The following TMC1 variants were observed in gnomAD, a reference collection of about 807,000 sequenced individuals.
The protein encoded by TMC1 is transmembrane channel-like protein 1.
In TMC1, 84 loss-of-function variants were observed where a neutral mutation model predicts 105.8. That is an observed-to-expected ratio of 0.79 (90% CI 0.67 to 0.95). TMC1 has a LOEUF of 0.95. Among genes scored for constraint, TMC1 ranks in the 40% least tolerant of loss-of-function variants. The pLI, the probability that TMC1 is intolerant of heterozygous loss-of-function variation, is 0.00. For synonymous variants in TMC1, 315 were observed against 311.5 expected, an observed-to-expected ratio of 1.01 and a Z score of -0.12; for missense variants, 817 against 914.1, an observed-to-expected ratio of 0.89 and a Z score of 1.37.
At chr9:72,537,770 C>T (rs1823607825) in intron 1 of TMC1, among the ~76,000 whole-genome samples, 1 of 152,126 alleles carries the variant, frequency 6.6e-6, no homozygotes, top group Non-Finnish European at 1.5e-5. Context: ...TGGGGGCTTC[C>T]AGGTCATAGG....
At chr9:72,695,074 A>G (rs1177930714) in intron 7 of TMC1, among the ~76,000 whole-genome samples, 1 of 152,192 alleles carries the variant, frequency 6.6e-6, no homozygotes, top group East Asian at 1.9e-4. Flanking sequence ...TTTATCTTAC[A>G]GAGCAGGGGT....
intron 2 of TMC1, among the ~76,000 whole-genome samples, chr9:72,596,868 AC>A (rs1824730104): frequency 6.6e-6 from 1 of 152,190 alleles, no homozygotes; most frequent in Admixed American, 6.5e-5. Context: ...AAAAAGAACC[AC>A]TAGAGTCTCT....
At chr9:72,753,062 T>A (rs1226630608) in intron 11 of TMC1, among the ~76,000 whole-genome samples, 1 of 152,172 alleles carries the variant, frequency 6.6e-6, no homozygotes, top group Non-Finnish European at 1.5e-5. Flanking sequence ...TTTATTAAGC[T>A]GATCTAGGAC....
At chr9:72,815,615 G>C (rs980230595) in intron 18 of TMC1, among the ~76,000 whole-genome samples, 5 of 152,216 alleles carry the variant, frequency 3.3e-5, no homozygotes, top group Non-Finnish European at 7.4e-5. Context: ...TTAGAGCACA[G>C]TTTTCCTCAT....
rs528296288 is a variant in TMC1, at chr9:72,811,730, C to T, written c.1696-4413C>T. ...TCACTCGTAAGTGAGAGCCGAACAGCGATGGGAGACTTCTTTAAAGTCTGA... is the reference window on the plus strand; with the variant it reads ...TCACTCGTAAGTGAGAGCCGAACAGTGATGGGAGACTTCTTTAAAGTCTGA... On this transcript the variant is annotated intron_variant, in intron 18 of 23. Transcript: ENST00000297784. Among the ~76,000 whole-genome samples the T allele has an allele frequency of 2.0e-5, 3 of 152,214 alleles. 1 individual carries two copies. The highest frequency in any genetic ancestry group is 4.1e-4 in the South Asian group (2 of 4,826).
chr9:72,618,030 T>A (rs1825168025), intron 3 of TMC1, among the ~76,000 whole-genome samples: 1 of 146,828 alleles, frequency 6.8e-6, no homozygotes, highest in Non-Finnish European at 1.5e-5. Flanking sequence ...ATCTTTTTTT[T>A]TTTTTTTTTT....
At chr9:72,817,872 G>A (rs955035062) in intron 19 of TMC1, among the ~76,000 whole-genome samples, 8 of 152,084 alleles carry the variant, frequency 5.3e-5, no homozygotes, top group African/African-American at 1.7e-4. Context: ...TTCAGACAGT[G>A]GTCAAGCTTG....
At chr9:72,556,229 G>A (rs1046232249) in intron 1 of TMC1, among the ~76,000 whole-genome samples, 5 of 151,028 alleles carry the variant, frequency 3.3e-5, no homozygotes, top group Admixed American at 2.0e-4. Flanking sequence ...GGATTCTCCT[G>A]CCTCAGCCTC....
chr9:72,773,363 C>T (rs1827961362), intron 13 of TMC1, among the ~76,000 whole-genome samples: 1 of 152,062 alleles, frequency 6.6e-6, no homozygotes, highest in Non-Finnish European at 1.5e-5. Flanking sequence ...GGTCCCTCAG[C>T]CTGAGGGTCT....
intron 8 of TMC1, among the ~76,000 whole-genome samples, chr9:72,721,810 A>G (rs1827030406): frequency 6.6e-6 from 1 of 152,174 alleles, no homozygotes; most frequent in South Asian, 2.1e-4. Flanking sequence ...CAGCCAACTC[A>G]CATTATAGAA....
intron 1 of TMC1, among the ~76,000 whole-genome samples, chr9:72,561,687 T>C (rs1185288669): frequency 6.6e-6 from 1 of 152,190 alleles, no homozygotes; most frequent in Non-Finnish European, 1.5e-5. Flanking sequence ...GTAAGGTCTC[T>C]TGCCAAAGGT....
chr9:72,603,773 T>C (rs1173501563), intron 2 of TMC1, among the ~76,000 whole-genome samples: 1 of 151,580 alleles, frequency 6.6e-6, no homozygotes, highest in Admixed American at 6.6e-5. Context: ...AAGTCTTGAC[T>C]TCCTGACCTC....
chr9:72,614,707 G>A (rs2132122417), intron 2 of TMC1, among the ~76,000 whole-genome samples: 1 of 152,292 alleles, frequency 6.6e-6, no homozygotes, highest in East Asian at 1.9e-4. Context: ...TGGAGACAGA[G>A]TCTTGCTCTG....
intron 4 of TMC1, among the ~76,000 whole-genome samples, chr9:72,641,887 GGCTCACT>G (rs1248083095): frequency 7.1e-6 from 1 of 140,568 alleles, no homozygotes; most frequent in East Asian, 2.1e-4. Flanking sequence ...GTGCGATCTC[GGCTCACT>G]GCACTCTCCA....
At chr9:72,717,451 C>T (rs369682850) in intron 8 of TMC1, among the ~76,000 whole-genome samples, 4 of 152,114 alleles carry the variant, frequency 2.6e-5, no homozygotes, top group African/African-American at 7.2e-5. Context: ...TTCCATGGTT[C>T]GTTTCAATAT....
At chr9:72,618,717 TTATCA>T (rs1246718388) in intron 3 of TMC1, among the ~76,000 whole-genome samples, 2 of 152,122 alleles carry the variant, frequency 1.3e-5, no homozygotes, top group African/African-American at 2.4e-5. Flanking sequence ...ATGTTTATGC[TTATCA>T]TAACATATGG....
At chr9:72,683,214 A>T (rs760728256) in intron 5 of TMC1, among the ~76,000 whole-genome samples, 4 of 152,142 alleles carry the variant, frequency 2.6e-5, no homozygotes, top group Non-Finnish European at 5.9e-5. Context: ...TTGTTGGGCA[A>T]TTCTTCTTTA....
At chr9:72,725,325 G>GTGTATATATATATATA (rs1346287163) in intron 8 of TMC1, among the ~76,000 whole-genome samples, 5 of 77,682 alleles carry the variant, frequency 6.4e-5, no homozygotes, top group Admixed American at 1.5e-4. Context: ...ATGTGTGTAT[G>GTGTATATATATATATA]TATATATATA....
Position 72,650,891 on chromosome 9 carries a change from G to GATATATATATAAATATATATAGAT in TMC1, c.16+2237_16+2260dup, listed in dbSNP as rs1554718494. Among the ~76,000 whole-genome samples, 233 of 117,780 alleles carry GATATATATATAAATATATATAGAT rather than the reference G, an allele frequency of 2.0e-3. 3 individuals are homozygous for GATATATATATAAATATATATAGAT. The highest frequency in any genetic ancestry group is 9.5e-3 in the Middle Eastern group (2 of 210). The allele number at this position is 117,780 out of a possible 152,430, so 77.3% of individuals were successfully genotyped here. A position where few individuals can be genotyped will look rare whatever the true frequency, so the allele number is the denominator to read the frequency against. The stretch of plus-strand genomic sequence containing the variant: ...TGTATTTTATATATATAGATATATA[G>GATATATATATAAATATATATAGAT]ATATATATATAAATATATATAGATA... On this transcript the variant is annotated intron_variant, in intron 5 of 23. Transcript: ENST00000297784.
Sources: gnomAD v4.1 joint callset for allele counts (sites outside exome capture counted in the v4.1 genomes callset) on GRCh38, gnomAD v4.1.1 for gene constraint, MANE v1.5 for transcripts, NCBI Gene and HGNC (gene_info 2026-07-23, HGNC 2026-07-21) for gene names.